Variants in STXBP5L observed in about 807,000 individuals in gnomAD.
STXBP5L encodes the protein syntaxin binding protein 5L.
In STXBP5L, 65 loss-of-function variants were observed where a neutral mutation model predicts 144.5. That is an observed-to-expected ratio of 0.45 (90% CI 0.37 to 0.55). STXBP5L has a LOEUF of 0.55. STXBP5L is among the 20% of genes least tolerant of loss of function. The pLI is 0.00. For synonymous variants in STXBP5L, 505 were observed against 469.6 expected, an observed-to-expected ratio of 1.08 and a Z score of -0.97; for missense variants, 1,298 against 1,405.5, an observed-to-expected ratio of 0.92 and a Z score of 1.22.
At chr3:121,194,399 T>C (rs1008312609) in intron 9 of STXBP5L, among the ~76,000 whole-genome samples, 1 of 152,190 alleles carries the variant, frequency 6.6e-6, no homozygotes, top group Non-Finnish European at 1.5e-5. Context: ...CATTTTATCA[T>C]ATTTTATTTA....
intron 3 of STXBP5L, among the ~76,000 whole-genome samples, chr3:121,023,856 C>T (rs969538652): frequency 6.6e-6 from 1 of 151,982 alleles, no homozygotes; most frequent in African/African-American, 2.4e-5. Context: ...CCCGGGTTCA[C>T]GCCATTCTCC....
rs1296157120 is a variant in STXBP5L, at chr3:121,421,124, A to AT, written c.*2029dup. ...GGATCTAGAAAATACTAGTGGCCAA[A>AT]TTGCAATGTATTCTTTGTACCATCT... On this transcript the variant is annotated 3_prime_UTR_variant, in exon 27 of 27. Coordinates refer to ENST00000471454, the MANE Select transcript of STXBP5L (RefSeq NM_001308330.2). 6 of 152,124 alleles carry AT rather than the reference A, an allele frequency of 3.9e-5. No individual in the cohort carries two copies. Among genetic ancestry groups the AT allele is most frequent in the Admixed American group, 6.6e-5 (1 of 15,256 alleles). 9.4% of individuals were successfully genotyped at this position (152,124 alleles called of 1,614,324 possible).
At chr3:121,137,097 G>T (rs1009736158) in intron 7 of STXBP5L, among the ~76,000 whole-genome samples, 1 of 152,026 alleles carries the variant, frequency 6.6e-6, no homozygotes, top group East Asian at 1.9e-4. Flanking sequence ...GTGGGAGGAG[G>T]GTGAGGATTG....
At chr3:121,004,289 G>C (rs1162588768) in intron 3 of STXBP5L, among the ~76,000 whole-genome samples, 2 of 151,174 alleles carry the variant, frequency 1.3e-5, no homozygotes, top group African/African-American at 2.4e-5. Context: ...TGGATTCCTA[G>C]GTATTTTATT....
At chr3:121,330,723 A>G (rs963467584) in intron 20 of STXBP5L, among the ~76,000 whole-genome samples, 10 of 152,170 alleles carry the variant, frequency 6.6e-5, no homozygotes, top group Admixed American at 6.5e-4. Context: ...AGGCAGAATA[A>G]CACAGCACCC....
intron 3 of STXBP5L, among the ~76,000 whole-genome samples, chr3:120,989,843 C>T (rs1281747329): frequency 2.0e-5 from 3 of 152,066 alleles, no homozygotes; most frequent in Non-Finnish European, 4.4e-5. Context: ...ATACCCACAG[C>T]CAATATCATA....
chr3:121,034,249 C>T (rs529942196), intron 3 of STXBP5L, among the ~76,000 whole-genome samples: 1 of 151,944 alleles, frequency 6.6e-6, no homozygotes. Context: ...AAATAATATA[C>T]CTTATACCCA....
chr3:121,223,222 A>T, intron 11 of STXBP5L, 65 bp downstream of exon 11: 1 of 1,486,316 alleles, frequency 6.7e-7, no homozygotes, highest in Non-Finnish European at 9.0e-7. Flanking sequence ...TTTCTAACAA[A>T]ATTAAGGTTA....
intron 3 of STXBP5L, among the ~76,000 whole-genome samples, chr3:121,007,939 A>C (rs186600821): frequency 1.8e-4 from 27 of 152,056 alleles, no homozygotes; most frequent in African/African-American, 6.3e-4. Flanking sequence ...AAAAAAATTT[A>C]TAATGGGAGA....
chr3:121,206,010 T>A lies in STXBP5L; in HGVS notation c.956+9T>A. The A allele has an allele frequency of 6.8e-7, 1 of 1,476,518 alleles. No individual in the cohort carries two copies. Among genetic ancestry groups the A allele is most frequent in the Non-Finnish European group, 9.0e-7 (1 of 1,110,472 alleles). The allele number at this position is 1,476,518 out of a possible 1,614,324, so 91.5% of individuals were successfully genotyped here. ...AAGACCTGCAAAAACAGGTATGCATTTTTACTTTAGGGAAAGAGGGATACG... is the reference window on the plus strand; with the variant it reads ...AAGACCTGCAAAAACAGGTATGCATATTTACTTTAGGGAAAGAGGGATACG... On this transcript the variant is annotated intron_variant, in intron 10 of 26. Coordinates refer to ENST00000471454, the MANE Select transcript of STXBP5L (RefSeq NM_001308330.2).
chr3:121,402,063 A>C (rs1256762577), intron 22 of STXBP5L, among the ~76,000 whole-genome samples: 2 of 152,164 alleles, frequency 1.3e-5, no homozygotes, highest in African/African-American at 4.8e-5. Context: ...GGCCTAGTGC[A>C]TTTTCATTTT....
chr3:121,065,917 G>C (rs1576835836), intron 5 of STXBP5L, among the ~76,000 whole-genome samples: 1 of 152,242 alleles, frequency 6.6e-6, no homozygotes, highest in South Asian at 2.1e-4. Flanking sequence ...CCGGCTGTTT[G>C]GCCAGAGGTG....
chr3:120,998,987 G>A (rs947564273), intron 3 of STXBP5L, among the ~76,000 whole-genome samples: 25 of 152,092 alleles, frequency 1.6e-4, no homozygotes, highest in African/African-American at 6.0e-4. Context: ...AAATCATTGA[G>A]GAGTAGATTG....
intron 5 of STXBP5L, among the ~76,000 whole-genome samples, chr3:121,108,481 T>C (rs1354342378): frequency 6.6e-6 from 1 of 152,218 alleles, no homozygotes; most frequent in Non-Finnish European, 1.5e-5. Context: ...CCTGTGGTTT[T>C]TTGTCTTTAG....
intron 9 of STXBP5L, among the ~76,000 whole-genome samples, chr3:121,167,819 G>A (rs909399289): frequency 6.6e-6 from 1 of 152,196 alleles, no homozygotes; most frequent in African/African-American, 2.4e-5. Flanking sequence ...CCAGCACAGC[G>A]TTCGAGCTCT....
chr3:121,397,476 T>C (rs1453689113), intron 22 of STXBP5L, among the ~76,000 whole-genome samples: 1 of 152,244 alleles, frequency 6.6e-6, no homozygotes, highest in African/African-American at 2.4e-5. Context: ...TTAGCGGCCA[T>C]TGTTCTATCC....
intron 22 of STXBP5L, among the ~76,000 whole-genome samples, chr3:121,392,751 A>T (rs568002287): frequency 3.5e-4 from 47 of 134,964 alleles, no homozygotes; most frequent in Middle Eastern, 8.1e-3. Context: ...TTTTATTATG[A>T]CTGAGTAGTA....
At chr3:121,191,069 C>A (rs954553548) in intron 9 of STXBP5L, among the ~76,000 whole-genome samples, 1 of 151,850 alleles carries the variant, frequency 6.6e-6, no homozygotes, top group East Asian at 2.0e-4. Context: ...GGTGGCCAGG[C>A]AGAGGGGCTC....
At chr3:121,209,611 T>G (rs911828994) in intron 10 of STXBP5L, among the ~76,000 whole-genome samples, 5 of 151,632 alleles carry the variant, frequency 3.3e-5, no homozygotes, top group African/African-American at 1.2e-4. Context: ...GGCCCCAGTG[T>G]GTGATGTTCC....
Sources: allele counts gnomAD v4.1 joint callset (sites outside exome capture counted in the v4.1 genomes callset), GRCh38; gene constraint gnomAD v4.1.1; transcripts MANE v1.5; gene names NCBI Gene and HGNC (gene_info 2026-07-23, HGNC 2026-07-21).